PRKAR1A: variants seen among roughly 807,000 people sequenced by gnomAD.
PRKAR1A encodes cAMP-dependent protein kinase type I-alpha regulatory subunit.
Under a neutral mutation model 52.0 loss-of-function variants are expected in PRKAR1A, and 3 were observed. The ratio of observed to expected loss-of-function variants is 0.06; its 90% CI spans 0.03 to 0.15. The LOEUF is 0.15. Among genes scored for constraint, PRKAR1A ranks in the 10% least tolerant of loss-of-function variants. The probability of loss-of-function intolerance (pLI) is 1.00; values close to 1 mark genes in which losing one functional copy is unlikely to be tolerated. For missense variants in PRKAR1A, 240 were observed against 477.4 expected (o/e 0.50, Z 4.63); for synonymous variants, 188 against 168.4 (o/e 1.12, Z -0.90).
chr17:68,532,717 G>T lies in PRKAR1A; in HGVS notation c.*2268G>T. 9.4e-7 allele frequency: 1 copy of T among 1,066,170 alleles called. No homozygotes were observed. The highest frequency in any genetic ancestry group is 1.1e-6 in the Non-Finnish European group (1 of 879,568). The allele number at this position is 1,066,170 out of a possible 1,614,324, so 66.0% of individuals were successfully genotyped here. A position where few individuals can be genotyped will look rare whatever the true frequency, so the allele number is the denominator to read the frequency against. On this transcript the variant is annotated 3_prime_UTR_variant, in exon 11 of 11. Coordinates refer to ENST00000589228, the MANE Select transcript of PRKAR1A (RefSeq NM_002734.5). ...TAATATACTTTTTTTGTTATAGATT[G>T]TCTTAATGGTAGGTCAAGTAATAAA...
At chr17:68,435,924 C>T in the PRKAR1A span, among the ~76,000 whole-genome samples, 1 of 152,248 alleles carries the variant, frequency 6.6e-6, no homozygotes, top group Admixed American at 6.5e-5. Flanking sequence ...ATCCCTTTTC[C>T]TGCCCTTGGG....
At chr17:68,547,242 A>G (rs576000834) in intron 11 of PRKAR1A, among the ~76,000 whole-genome samples, 7 of 152,358 alleles carry the variant, frequency 4.6e-5, no homozygotes, top group South Asian at 2.1e-4. Context: ...CAAGAGAGTC[A>G]GCCTGTCCTT....
the PRKAR1A span, among the ~76,000 whole-genome samples, chr17:68,418,201 C>T: frequency 2.6e-5 from 4 of 152,230 alleles, no homozygotes; most frequent in South Asian, 2.1e-4. Context: ...TTTCTGTTAC[C>T]TGAGAGTGTT....
At chr17:68,546,412 C>A (rs1057204681) in intron 11 of PRKAR1A, among the ~76,000 whole-genome samples, 1 of 151,992 alleles carries the variant, frequency 6.6e-6, no homozygotes, top group African/African-American at 2.4e-5. Flanking sequence ...CCACGCATCA[C>A]AAATTTTCTT....
chr17:68,499,218 T>G, the PRKAR1A span, among the ~76,000 whole-genome samples: 2 of 152,206 alleles, frequency 1.3e-5, no homozygotes, highest in African/African-American at 4.8e-5. Context: ...TACTTGTAGT[T>G]TCCTAAATGT....
chr17:68,441,051 G>C, the PRKAR1A span: 21 of 152,316 alleles, frequency 1.4e-4, no homozygotes, highest in African/African-American at 4.6e-4. Context: ...ATTGCTGTGT[G>C]GTATGGAACG....
intron 11 of PRKAR1A, among the ~76,000 whole-genome samples, chr17:68,548,725 A>ATTTTT (rs753348891): frequency 2.0e-4 from 16 of 79,152 alleles, no homozygotes; most frequent in African/African-American, 3.3e-4. Context: ...ATGCCTGTAT[A>ATTTTT]TTTTTTTTTT....
chr17:68,511,580 C>T (rs2085265411), upstream of PRKAR1A, among the ~76,000 whole-genome samples: 1 of 152,214 alleles, frequency 6.6e-6, no homozygotes, highest in Non-Finnish European at 1.5e-5. Context: ...AGGACTCAGG[C>T]CTCCTCTTGG....
the PRKAR1A span, among the ~76,000 whole-genome samples, chr17:68,483,643 C>A: frequency 6.6e-6 from 1 of 152,150 alleles, no homozygotes; most frequent in African/African-American, 2.4e-5. Context: ...ATGTGGATCA[C>A]CTGAGGTCAG....
downstream of PRKAR1A, among the ~76,000 whole-genome samples, chr17:68,534,560 CTTT>C (rs34994040): frequency 6.8e-4 from 76 of 111,038 alleles, no homozygotes; most frequent in Middle Eastern, 4.7e-3. Context: ...TTTTTAGTGC[CTTT>C]TTTTTTTTTT....
At chr17:68,451,412 C>T in the PRKAR1A span, among the ~76,000 whole-genome samples, 3 of 152,106 alleles carry the variant, frequency 2.0e-5, no homozygotes, top group East Asian at 3.9e-4. Context: ...CCAGCCTGGG[C>T]GACAAGCAAG....
upstream of PRKAR1A, among the ~76,000 whole-genome samples, chr17:68,510,983 A>G (rs142754426): frequency 8.6e-4 from 131 of 152,350 alleles, no homozygotes; most frequent in African/African-American, 3.0e-3. Context: ...TAATAGCTAC[A>G]CTAAGAATTA....
At chr17:68,528,667 T>G (rs2085867879) in intron 8 of PRKAR1A, 1 of 633,986 alleles carries the variant, frequency 1.6e-6, no homozygotes, top group East Asian at 2.8e-5. Context: ...GCTACCGAAG[T>G]AAGGATCTAA....
At chr17:68,491,319 T>C in the PRKAR1A span, among the ~76,000 whole-genome samples, 1 of 152,190 alleles carries the variant, frequency 6.6e-6, no homozygotes, top group African/African-American at 2.4e-5. Flanking sequence ...CTTGAACTCC[T>C]GAGCTTAGGT....
rs935883391 is a variant in PRKAR1A at position 68,540,754 on chromosome 17, A to G, written c.974-10330A>G. ...GGAGGTGCAGAGTTACTCAGTCCTC[A>G]TGAACCAGGTTGTAAGTTTGTGCTC... On this transcript the variant is annotated intron_variant, in intron 11 of 11. Coordinates refer to the PRKAR1A transcript ENST00000585981. The G allele has an allele frequency of 6.8e-6, 10 of 1,471,826 alleles. No homozygotes were observed. In the African/African-American group the frequency reaches 9.8e-5, roughly 14 times the overall value. 91.2% of individuals were successfully genotyped at this position (1,471,826 alleles called of 1,614,324 possible).
the PRKAR1A span, among the ~76,000 whole-genome samples, chr17:68,437,166 G>A: frequency 6.6e-6 from 1 of 152,102 alleles, no homozygotes; most frequent in African/African-American, 2.4e-5. Flanking sequence ...ATAGTGAAAA[G>A]TCAGTACATA....
chr17:68,422,549 G>A, the PRKAR1A span: 7 of 151,926 alleles, frequency 4.6e-5, no homozygotes, highest in African/African-American at 1.7e-4. Flanking sequence ...TGGCCAACAT[G>A]GTGAAATCCT....
the PRKAR1A span, chr17:68,421,556 C>T: frequency 1.7e-6 from 1 of 588,370 alleles, no homozygotes; most frequent in Non-Finnish European, 3.1e-6. Flanking sequence ...TTTTAAATAG[C>T]ATGATGTGTA....
the PRKAR1A span, among the ~76,000 whole-genome samples, chr17:68,489,212 A>G: frequency 7.8e-5 from 4 of 51,332 alleles, no homozygotes; most frequent in African/African-American, 3.4e-4. Context: ...ATATATATAT[A>G]TATATATATA....
Sources: gnomAD v4.1 joint callset for allele counts (sites outside exome capture counted in the v4.1 genomes callset) on GRCh38, gnomAD v4.1.1 for gene constraint, MANE v1.5 for transcripts, NCBI Gene and HGNC (gene_info 2026-07-23, HGNC 2026-07-21) for gene names.